The following PCED1B variants were observed in gnomAD, a reference collection of about 807,000 sequenced individuals.
PCED1B encodes PC-esterase domain-containing protein 1B.
For missense variants in PCED1B, 573 were observed against 573.9 expected, an observed-to-expected ratio of 1.00 and a Z score of 0.02; for synonymous variants, 251 against 246.1, an observed-to-expected ratio of 1.02 and a Z score of -0.19.
chr12:47,088,401 G>T (rs1417381075), intron 1 of PCED1B, among the ~76,000 whole-genome samples: 2 of 152,088 alleles, frequency 1.3e-5, no homozygotes, highest in East Asian at 3.9e-4. Flanking sequence ...CTCTCTCTCA[G>T]CTGCTGCAGA....
At position 47,234,695 on chromosome 12, in the gene PCED1B, G is replaced by A. The variant is rs528763132; in HGVS notation, c.-57-312G>A. Among the ~76,000 whole-genome samples, 442 of 152,296 alleles carry A rather than the reference G, an allele frequency of 2.9e-3. 1 individual carries two copies. The highest frequency in any genetic ancestry group is 0.01 in the African/African-American group (425 of 41,572). On this transcript the variant is annotated intron_variant, in intron 3 of 3. Coordinates refer to ENST00000546455, the MANE Select transcript of PCED1B (RefSeq NM_138371.3). The stretch of plus-strand genomic sequence containing the variant: ...ATTCTGCTAGCACTCTCATCCCTGG[G>A]GAGGGTGGATCATACTTGGCTCCTC...
At chr12:47,123,735 T>G (rs895615271) in intron 2 of PCED1B, among the ~76,000 whole-genome samples, 61 of 152,174 alleles carry the variant, frequency 4.0e-4, no homozygotes, top group African/African-American at 1.4e-3. Flanking sequence ...TTAAGTAACT[T>G]CTTTCTTCTC....
chr12:47,173,456 G>T (rs1941817152), intron 2 of PCED1B, among the ~76,000 whole-genome samples: 1 of 152,136 alleles, frequency 6.6e-6, no homozygotes, highest in Non-Finnish European at 1.5e-5. Flanking sequence ...GTTTCTCCGT[G>T]TTAGTCAGGA....
At chr12:47,159,557 G>T (rs995848222) in intron 2 of PCED1B, among the ~76,000 whole-genome samples, 3 of 151,568 alleles carry the variant, frequency 2.0e-5, no homozygotes, top group Non-Finnish European at 4.4e-5. Flanking sequence ...TCTATTCATG[G>T]TTTTTGCCCA....
intron 2 of PCED1B, among the ~76,000 whole-genome samples, chr12:47,174,355 G>A (rs1302296329): frequency 2.6e-5 from 4 of 151,724 alleles, no homozygotes; most frequent in Non-Finnish European, 5.9e-5. Flanking sequence ...GTTGCAGTTA[G>A]CGGAGATTGC....
chr12:47,123,336 CAGTGTGTG>C (rs1939756822), intron 2 of PCED1B, among the ~76,000 whole-genome samples: 1 of 152,072 alleles, frequency 6.6e-6, no homozygotes, highest in African/African-American at 2.4e-5. Flanking sequence ...TCCTTCTAGC[CAGTGTGTG>C]AACATAGCCT....
intron 2 of PCED1B, among the ~76,000 whole-genome samples, chr12:47,215,883 C>T (rs911226442): frequency 7.0e-6 from 1 of 142,604 alleles, no homozygotes; most frequent in Non-Finnish European, 1.5e-5. Flanking sequence ...GGTGAAACAC[C>T]ATCTCTACTA....
chr12:47,087,497 G>T (rs1400720896), intron 1 of PCED1B, among the ~76,000 whole-genome samples: 3 of 152,078 alleles, frequency 2.0e-5, no homozygotes, highest in Admixed American at 1.3e-4. Context: ...AGCAAATATT[G>T]TTAGTCCTGG....
intron 2 of PCED1B, among the ~76,000 whole-genome samples, chr12:47,180,774 A>G (rs1342374499): frequency 6.6e-6 from 1 of 152,204 alleles, no homozygotes; most frequent in African/African-American, 2.4e-5. Context: ...AAACGTGGGC[A>G]AAGGACATGA....
intron 2 of PCED1B, among the ~76,000 whole-genome samples, chr12:47,191,470 G>T (rs1942436471): frequency 6.6e-6 from 1 of 152,078 alleles, no homozygotes; most frequent in Admixed American, 6.6e-5. Flanking sequence ...TCCTCACCTT[G>T]ACCCTCCCCA....
chr12:47,174,740 C>A (rs1941868665), intron 2 of PCED1B, among the ~76,000 whole-genome samples: 1 of 152,016 alleles, frequency 6.6e-6, no homozygotes, highest in Admixed American at 6.5e-5. Context: ...TTAAGTGGTT[C>A]TCTGCCTTTT....
chr12:47,142,234 C>A (rs1225539087), intron 2 of PCED1B, among the ~76,000 whole-genome samples: 1 of 152,206 alleles, frequency 6.6e-6, no homozygotes, highest in Admixed American at 6.5e-5. Flanking sequence ...AGACCTCACA[C>A]TGGACCCAGC....
At chr12:47,234,152 C>A (rs1480315076) in intron 3 of PCED1B, among the ~76,000 whole-genome samples, 3 of 152,100 alleles carry the variant, frequency 2.0e-5, no homozygotes, top group Non-Finnish European at 4.4e-5. Flanking sequence ...CCACGCCCGG[C>A]TAATTTTGAA....
intron 2 of PCED1B, among the ~76,000 whole-genome samples, chr12:47,144,756 C>A (rs1279429989): frequency 6.6e-6 from 1 of 152,180 alleles, no homozygotes; most frequent in African/African-American, 2.4e-5. Context: ...TACAGGACCA[C>A]CAACAGCAAA....
intron 1 of PCED1B, among the ~76,000 whole-genome samples, chr12:47,089,992 C>G (rs1011562096): frequency 1.3e-5 from 2 of 152,134 alleles, no homozygotes; most frequent in African/African-American, 4.8e-5. Flanking sequence ...AGGCTGGTCT[C>G]AAACCCCTGA....
intron 2 of PCED1B, among the ~76,000 whole-genome samples, chr12:47,117,033 G>A (rs1939450378): frequency 6.6e-6 from 1 of 152,154 alleles, no homozygotes. Flanking sequence ...AGCTACTTGG[G>A]AGGCTGAGAT....
chr12:47,202,134 G>A (rs1439648942), intron 2 of PCED1B, among the ~76,000 whole-genome samples: 1 of 152,128 alleles, frequency 6.6e-6, no homozygotes, highest in Non-Finnish European at 1.5e-5. Flanking sequence ...GAAGCATTCA[G>A]GCTTCGAGAA....
chr12:47,107,186 G>A (rs1187589365), intron 2 of PCED1B, among the ~76,000 whole-genome samples: 1 of 152,196 alleles, frequency 6.6e-6, no homozygotes, highest in Admixed American at 6.5e-5. Flanking sequence ...TCATGTTCAT[G>A]AAAGATTCTC....
At chr12:47,171,196 T>G (rs1273820601) in intron 2 of PCED1B, among the ~76,000 whole-genome samples, 1 of 151,502 alleles carries the variant, frequency 6.6e-6, no homozygotes, top group Non-Finnish European at 1.5e-5. Flanking sequence ...GCCTCCTGAG[T>G]AGCTAGGATT....
Sources: gnomAD v4.1 joint callset for allele counts (sites outside exome capture counted in the v4.1 genomes callset) on GRCh38, gnomAD v4.1.1 for gene constraint, MANE v1.5 for transcripts, NCBI Gene and HGNC (gene_info 2026-07-23, HGNC 2026-07-21) for gene names.